MCC: variants seen among roughly 807,000 people sequenced by gnomAD.
MCC encodes MCC regulator of Wnt signaling pathway, also known as colorectal mutant cancer protein.
In MCC, 90 loss-of-function variants were observed where a neutral mutation model predicts 116.2. That is an observed-to-expected ratio of 0.77 (90% confidence interval 0.65 to 0.92). The LOEUF is 0.92. Ranked by LOEUF, MCC falls within the 40% of genes least tolerant of loss-of-function variation. MCC has a pLI of 0.00. For synonymous variants in MCC, 578 were observed against 510.5 expected, an observed-to-expected ratio of 1.13 and a Z score of -1.78; for missense variants, 1,516 against 1,312.2, an observed-to-expected ratio of 1.16 and a Z score of -2.40.
chr5:113,314,559 A>C (rs908802039), intron 3 of MCC, among the ~76,000 whole-genome samples: 3 of 151,120 alleles, frequency 2.0e-5, no homozygotes, highest in Non-Finnish European at 3.0e-5. Context: ...GGAACCCTGA[A>C]CTCTCCACCT....
intron 17 of MCC, among the ~76,000 whole-genome samples, chr5:113,031,872 C>A (rs1750976685): frequency 6.6e-6 from 1 of 152,144 alleles, no homozygotes; most frequent in South Asian, 2.1e-4. Context: ...CCCAGGCCAA[C>A]CCCAGCTTAG....
chr5:113,290,438 ATG>A (rs1195272212), intron 3 of MCC, among the ~76,000 whole-genome samples: 1 of 152,240 alleles, frequency 6.6e-6, no homozygotes, highest in Non-Finnish European at 1.5e-5. Flanking sequence ...TCCAGAGGTT[ATG>A]ATTGCCATGG....
chr5:113,341,487 A>G (rs1768010478), intron 2 of MCC, among the ~76,000 whole-genome samples: 1 of 152,186 alleles, frequency 6.6e-6, no homozygotes, highest in Non-Finnish European at 1.5e-5. Flanking sequence ...AACCGACAGT[A>G]TCATGACTTT....
chr5:113,385,040 A>C lies in MCC; in HGVS notation c.343T>G (p.Ser115Ala). ...RKEEVDLSAKSDNSCTKKLRD... is the reference protein window; with the variant it reads ...RKEEVDLSAKADNSCTKKLRD... Reference sequence around the variant, plus strand: ...AGCTTCTTTGTACAGGAGTTGTCTGACTTTGCAGAAAGATCTACTTCCTCC... The same window carrying C: ...AGCTTCTTTGTACAGGAGTTGTCTGCCTTTGCAGAAAGATCTACTTCCTCC... Residue 115 changes from serine (S) to alanine (A), a missense_variant, in exon 2 of 19, where the codon TCA (serine) becomes GCA (alanine). Transcript: ENST00000408903. 6.2e-7 allele frequency: 1 copy of C among 1,614,202 alleles called. No homozygotes were observed. The highest frequency in any genetic ancestry group is 8.5e-7 in the Non-Finnish European group (1 of 1,180,028).
At chr5:113,049,439 G>A in intron 15 of MCC, 140 bp from the exon 16 acceptor site, 1 of 650,004 alleles carries the variant, frequency 1.5e-6, no homozygotes, top group South Asian at 2.0e-5. Context: ...GTTGGCAGTA[G>A]GATGAGTGGG....
intron 3 of MCC, among the ~76,000 whole-genome samples, chr5:113,265,463 C>T (rs927116030): frequency 2.0e-5 from 3 of 152,132 alleles, no homozygotes; most frequent in Non-Finnish European, 4.4e-5. Flanking sequence ...AACTTAGTCC[C>T]GTACTTAGAA....
rs1048151047 is a variant in MCC, at chr5:113,437,780, T to C, written c.170+50465A>G. Reference sequence around the variant, plus strand: ...GGCTCCTTATCTATATCCCAGATAGTTGAGTTATTTGAAAGCCCTGACCAA... The same window carrying C: ...GGCTCCTTATCTATATCCCAGATAGCTGAGTTATTTGAAAGCCCTGACCAA... On this transcript the variant is annotated intron_variant, in intron 1 of 18. Coordinates refer to ENST00000408903, the MANE Select transcript of MCC (RefSeq NM_001085377.2). Among the ~76,000 whole-genome samples the C allele has an allele frequency of 2.6e-5, 4 of 152,208 alleles. No homozygotes were observed. In the East Asian group the frequency reaches 7.7e-4, roughly 29 times the overall value.
intron 3 of MCC, among the ~76,000 whole-genome samples, chr5:113,215,327 T>A (rs929159053): frequency 1.3e-5 from 2 of 152,208 alleles, no homozygotes; most frequent in African/African-American, 2.4e-5. Context: ...AAGAGATGTT[T>A]CTTAATATCT....
At chr5:113,359,127 A>G (rs1229649939) in intron 2 of MCC, among the ~76,000 whole-genome samples, 2 of 152,076 alleles carry the variant, frequency 1.3e-5, no homozygotes, top group Non-Finnish European at 2.9e-5. Flanking sequence ...TCAGGAAGTG[A>G]GCTTATTAGT....
At chr5:113,160,443 T>C (rs1760420557) in intron 3 of MCC, among the ~76,000 whole-genome samples, 1 of 152,232 alleles carries the variant, frequency 6.6e-6, no homozygotes, top group Non-Finnish European at 1.5e-5. Flanking sequence ...TCAACTATTC[T>C]TCACATAGCT....
In MCC at chr5:113,332,564, C is replaced by CAA. The variant is rs35391036; in HGVS notation, c.627+7953_627+7954dup. On this transcript the variant is annotated intron_variant, in intron 3 of 18. Coordinates refer to ENST00000408903, the MANE Select transcript of MCC (RefSeq NM_001085377.2). ...GGGTGACAGAATGAGAACCTGTCTC[C>CAA]AAAAAAAAAAAAAAAAAAAGGAATA... is the stretch of plus-strand genomic sequence containing the variant. Among the ~76,000 whole-genome samples the CAA allele has an allele frequency of 5.3e-3, 471 of 88,370 alleles. 11 individuals carry two copies. Among genetic ancestry groups the CAA allele is most frequent in the African/African-American group, 0.019 (448 of 23,290 alleles). 58.0% of individuals were successfully genotyped at this position (88,370 alleles called of 152,430 possible).
At chr5:113,334,683 C>T (rs752779360) in intron 3 of MCC, among the ~76,000 whole-genome samples, 6 of 149,624 alleles carry the variant, frequency 4.0e-5, no homozygotes, top group Non-Finnish European at 2.9e-5. Context: ...CTCCGCCTCC[C>T]GGGTTCAAGT....
chr5:113,136,112 A>G (rs865921580), intron 5 of MCC, among the ~76,000 whole-genome samples: 3 of 152,212 alleles, frequency 2.0e-5, no homozygotes, highest in African/African-American at 4.8e-5. Flanking sequence ...GCATATATAC[A>G]TAAAAGCAAG....
chr5:113,459,236 TTTTGAAAAA>T (rs1305629030), intron 1 of MCC, among the ~76,000 whole-genome samples: 3 of 149,718 alleles, frequency 2.0e-5, no homozygotes, highest in African/African-American at 7.5e-5. Context: ...AAAATATACC[TTTTGAAAAA>T]GCCACAGGCC....
At chr5:113,227,479 C>T (rs1763787110) in intron 3 of MCC, among the ~76,000 whole-genome samples, 1 of 152,132 alleles carries the variant, frequency 6.6e-6, no homozygotes, top group Non-Finnish European at 1.5e-5. Context: ...TGGTGCCTTC[C>T]AGCTAGAGAA....
chr5:113,068,814 C>T (rs570344270), intron 12 of MCC, among the ~76,000 whole-genome samples: 1 of 152,234 alleles, frequency 6.6e-6, no homozygotes, highest in East Asian at 1.9e-4. Flanking sequence ...TCCAATCCCC[C>T]ACTGAGGTCT....
At chr5:113,086,335 G>C (rs1755201671) in intron 8 of MCC, among the ~76,000 whole-genome samples, 1 of 152,188 alleles carries the variant, frequency 6.6e-6, no homozygotes, top group Admixed American at 6.5e-5. Context: ...AGGATGATAT[G>C]CTATGTTTGA....
chr5:113,206,681 C>T (rs1650342144), intron 3 of MCC, among the ~76,000 whole-genome samples: 1 of 152,162 alleles, frequency 6.6e-6, no homozygotes, highest in Non-Finnish European at 1.5e-5. Flanking sequence ...TGCATTCCAG[C>T]CTGTGCGACA....
chr5:113,194,107 T>G (rs990111483), intron 3 of MCC, among the ~76,000 whole-genome samples: 1 of 152,136 alleles, frequency 6.6e-6, no homozygotes, highest in Non-Finnish European at 1.5e-5. Context: ...AGATCTAAGC[T>G]TATAAAGTAA....
Sources: gnomAD v4.1 joint callset for allele counts (sites outside exome capture counted in the v4.1 genomes callset) on GRCh38, gnomAD v4.1.1 for gene constraint, MANE v1.5 for transcripts, NCBI Gene and HGNC (gene_info 2026-07-23, HGNC 2026-07-21) for gene names.